Variants in ATRN observed in about 807,000 individuals in gnomAD.
The protein encoded by ATRN is attractin.
A neutral mutation model predicts 178.7 loss-of-function variants in ATRN; 54 were observed. The ratio of observed to expected loss-of-function variants is 0.30; its 90% CI spans 0.24 to 0.38. ATRN has a LOEUF of 0.38. Ranked by LOEUF, ATRN falls within the 10% of genes least tolerant of loss-of-function variation. The pLI is 1.00. For missense variants in ATRN, 1,443 were observed against 1,815.1 expected (o/e 0.79, Z 3.73); for synonymous variants, 636 against 663.0 (o/e 0.96, Z 0.63).
At position 3,535,588 on chromosome 20, in the gene ATRN, TACACACACACAC is replaced by T. The variant is rs11468707; in HGVS notation, c.494+280_494+291del. ...CCAACTGTAATAGTTCAGAAACGGT[TACACACACACAC>T]ACACACACACACACACACACACACA... On this transcript the variant is annotated intron_variant, in intron 2 of 28. Transcript: ENST00000262919. Among the ~76,000 whole-genome samples the T allele has an allele frequency of 1.6e-3, 236 of 143,210 alleles. 1 individual carries two copies. Among genetic ancestry groups the T allele is most frequent in the South Asian group, 3.5e-3 (15 of 4,276 alleles). 94.0% of individuals were successfully genotyped at this position (143,210 alleles called of 152,430 possible).
intron 18 of ATRN, among the ~76,000 whole-genome samples, chr20:3,587,485 T>G (rs2086374339): frequency 6.6e-6 from 1 of 152,174 alleles, no homozygotes; most frequent in Admixed American, 6.5e-5. Flanking sequence ...AGATTTTTTT[T>G]TTTTTTTAAC....
Position 3,498,449 on chromosome 20 carries a change from G to A in ATRN, c.410+26932G>A, listed in dbSNP as rs238714. On this transcript the variant is annotated intron_variant, in intron 1 of 28. Coordinates refer to ENST00000262919, the MANE Select transcript of ATRN (RefSeq NM_139321.3). The stretch of plus-strand genomic sequence containing the variant: ...AAATCCTCAATAAAATACTGGCAAA[G>A]CGAATCCAGCAGCACATCAAAAAGC... 1.1e-4 allele frequency among the ~76,000 whole-genome samples: 16 copies of A among 151,648 alleles called. No individual in the cohort carries two copies. In the East Asian group the frequency reaches 3.1e-3, roughly 29 times the overall value.
At chr20:3,553,337 C>G (rs551202232) in intron 6 of ATRN, among the ~76,000 whole-genome samples, 64 of 152,250 alleles carry the variant, frequency 4.2e-4, no homozygotes, top group Non-Finnish European at 7.6e-4. Flanking sequence ...TCTCTTCGTA[C>G]CATAATTTCA....
At chr20:3,489,686 C>T (rs1375559121) in intron 1 of ATRN, 13 of 1,569,676 alleles carry the variant, frequency 8.3e-6, no homozygotes, top group East Asian at 2.2e-5. Flanking sequence ...CTTCAATCTG[C>T]GTCACATTAG....
chr20:3,615,040 C>T (rs1485926083), intron 24 of ATRN, among the ~76,000 whole-genome samples: 1 of 152,070 alleles, frequency 6.6e-6, no homozygotes, highest in African/African-American at 2.4e-5. Context: ...GGTTTTCACT[C>T]TTTGGCTATT....
intron 1 of ATRN, among the ~76,000 whole-genome samples, chr20:3,506,370 T>C (rs991895861): frequency 1.3e-5 from 2 of 152,148 alleles, no homozygotes; most frequent in Non-Finnish European, 1.5e-5. Flanking sequence ...ATGCTGGTAA[T>C]CTCAGCACTT....
intron 11 of ATRN, among the ~76,000 whole-genome samples, chr20:3,568,160 G>A (rs923506235): frequency 4.6e-5 from 7 of 151,816 alleles, no homozygotes; most frequent in Middle Eastern, 3.4e-3. Context: ...GCGTGGTGGC[G>A]GGCGCATGTA....
chr20:3,542,484 T>G (rs2146193387), intron 3 of ATRN, among the ~76,000 whole-genome samples: 1 of 152,164 alleles, frequency 6.6e-6, no homozygotes, highest in East Asian at 1.9e-4. Flanking sequence ...TTTTTTTTTT[T>G]TTTTAGGAAA....
At chr20:3,531,179 G>C (rs1348332571) in intron 1 of ATRN, among the ~76,000 whole-genome samples, 1 of 152,100 alleles carries the variant, frequency 6.6e-6, no homozygotes, top group Non-Finnish European at 1.5e-5. Context: ...GTAACCACTT[G>C]TTGGCCATTT....
chr20:3,544,028 G>C lies in ATRN; in HGVS notation c.609-1734G>C, dbSNP rs181427494. Among the ~76,000 whole-genome samples the C allele has an allele frequency of 1.9e-4, 29 of 152,290 alleles. No individual in the cohort carries two copies. In the East Asian group the frequency reaches 3.9e-3, roughly 20 times the overall value. On this transcript the variant is annotated intron_variant, in intron 3 of 28. Transcript: ENST00000262919. ...TAGCTTGGGCTAGACCTTGGGTCTAGCTAGACCTTGGGTGAGACCTTGTCT... is the reference window on the plus strand; with the variant it reads ...TAGCTTGGGCTAGACCTTGGGTCTACCTAGACCTTGGGTGAGACCTTGTCT...
At chr20:3,534,705 A>C (rs2085499955) in intron 1 of ATRN, among the ~76,000 whole-genome samples, 1 of 152,226 alleles carries the variant, frequency 6.6e-6, no homozygotes, top group South Asian at 2.1e-4. Flanking sequence ...GGCAGTGCTC[A>C]TGCCTGTAAA....
At chr20:3,500,552 T>A (rs1345983391) in intron 1 of ATRN, among the ~76,000 whole-genome samples, 2 of 151,364 alleles carry the variant, frequency 1.3e-5, no homozygotes, top group African/African-American at 4.9e-5. Flanking sequence ...TGGATGAAAT[T>A]GGAAATCATC....
At chr20:3,508,254 A>G (rs1042668996) in intron 1 of ATRN, among the ~76,000 whole-genome samples, 1 of 152,142 alleles carries the variant, frequency 6.6e-6, no homozygotes, top group Non-Finnish European at 1.5e-5. Flanking sequence ...TTCTTATTAT[A>G]AACAATGGAA....
At chr20:3,646,617 G>GGTTTTTTTTTT in intron 28 of ATRN, 106 bp from the exon 29 acceptor site, 1 of 1,404,734 alleles carries the variant, frequency 7.1e-7, no homozygotes, top group Non-Finnish European at 9.4e-7. Flanking sequence ...TTTTTGGTTT[G>GGTTTTTTTTTT]TTTGTTTTGC....
intron 19 of ATRN, chr20:3,592,589 G>C: frequency 1.5e-6 from 1 of 659,596 alleles, no homozygotes; most frequent in Non-Finnish European, 1.9e-6. Context: ...ACTTTTCAAA[G>C]TTCTGAGCAG....
intron 12 of ATRN, 115 bp downstream of exon 12, chr20:3,573,066 C>A: frequency 1.1e-6 from 1 of 924,636 alleles, no homozygotes; most frequent in Non-Finnish European, 1.6e-6. Flanking sequence ...CAAAATTATT[C>A]AGTAATAACT....
chr20:3,582,316 G>A lies in ATRN; in HGVS notation c.2726G>A (p.Cys909Tyr). 6.2e-7 allele frequency: 1 copy of A among 1,612,348 alleles called. No individual in the cohort carries two copies. Among genetic ancestry groups the A allele is most frequent in the Non-Finnish European group, 8.5e-7 (1 of 1,180,012 alleles). The change falls in exon 16 of 29, where the codon TGC (cysteine) becomes TAC (tyrosine). Residue 909 changes from cysteine to tyrosine, a missense_variant. Cys to Tyr is a radical substitution (Grantham distance 194, BLOSUM62 -2). Coordinates refer to ENST00000262919, the MANE Select transcript of ATRN (RefSeq NM_139321.3). ...ACTCGGGGACTGAAGGCTGCAACCT[G>A]CATCAACCCACTCAATGGTAGTGTC... ...PSTRGLKAAT[C>Y]INPLNGSVCE...
At chr20:3,579,816 A>T (rs115130815) in intron 15 of ATRN, among the ~76,000 whole-genome samples, 5 of 152,140 alleles carry the variant, frequency 3.3e-5, no homozygotes, top group Non-Finnish European at 7.4e-5. Context: ...TGAGGGCAAC[A>T]CTTCCTTGGG....
intron 22 of ATRN, 24 bp from the exon 23 acceptor site, chr20:3,600,922 C>T (rs756195728): frequency 6.3e-7 from 1 of 1,584,920 alleles, no homozygotes; most frequent in South Asian, 1.1e-5. Context: ...AATTAATTTT[C>T]TAATAATTTG....
Sources: gnomAD v4.1 joint callset for allele counts (sites outside exome capture counted in the v4.1 genomes callset) on GRCh38, gnomAD v4.1.1 for gene constraint, MANE v1.5 for transcripts, NCBI Gene and HGNC (gene_info 2026-07-23, HGNC 2026-07-21) for gene names.